ROBO2: variants seen among roughly 807,000 people sequenced by gnomAD.
ROBO2 encodes the protein roundabout homolog 2.
A neutral mutation model predicts 160.8 loss-of-function variants in ROBO2; 53 were observed. That is an observed-to-expected ratio of 0.33 (90% CI 0.26 to 0.41). The LOEUF (loss-of-function observed/expected upper bound fraction) is 0.41. Ranked by LOEUF, ROBO2 falls within the 10% of genes least tolerant of loss-of-function variation. The probability of loss-of-function intolerance (pLI) is 1.00; values close to 1 mark genes in which losing one functional copy is unlikely to be tolerated. For missense variants in ROBO2, 1,577 were observed against 1,722.4 expected (o/e 0.92, Z 1.49); for synonymous variants, 664 against 611.7 (o/e 1.09, Z -1.26).
At chr3:77,100,429 A>G (rs1244510608) in intron 2 of ROBO2, among the ~76,000 whole-genome samples, 1 of 152,102 alleles carries the variant, frequency 6.6e-6, no homozygotes, top group African/African-American at 2.4e-5. Flanking sequence ...GTGTTTCATA[A>G]AACATATTAA....
At chr3:77,210,839 T>A (rs4684021) in intron 2 of ROBO2, among the ~76,000 whole-genome samples, 30,007 of 151,074 alleles carry the variant, frequency 0.2, 3,369 homozygotes, top group Middle Eastern at 0.32. Flanking sequence ...ACACGTGGTG[T>A]TTGGTTGTCT....
At chr3:77,518,391 G>A (rs1331163993) in intron 5 of ROBO2, among the ~76,000 whole-genome samples, 1 of 151,462 alleles carries the variant, frequency 6.6e-6, no homozygotes, top group Admixed American at 6.6e-5. Flanking sequence ...CTTTCCTCAG[G>A]CAAAGATTCA....
chr3:77,233,547 T>C (rs568042182), intron 2 of ROBO2, among the ~76,000 whole-genome samples: 194 of 152,332 alleles, frequency 1.3e-3, no homozygotes, highest in Middle Eastern at 6.8e-3. Flanking sequence ...GGAATACTCA[T>C]ATTAGGATCT....
chr3:77,156,733 T>C (rs7431713), intron 2 of ROBO2, among the ~76,000 whole-genome samples: 46,221 of 149,750 alleles, frequency 0.31, 8,526 homozygotes, highest in Middle Eastern at 0.46. Flanking sequence ...AATATATTTA[T>C]TAGAATATTA....
At chr3:76,033,292 A>G (rs1454171332) in intron 2 of ROBO2, among the ~76,000 whole-genome samples, 1 of 142,476 alleles carries the variant, frequency 7.0e-6, no homozygotes, top group East Asian at 1.9e-4. Flanking sequence ...GCTGTGACAC[A>G]TACACACACA....
At chr3:76,464,268 A>G (rs180834293) in intron 2 of ROBO2, among the ~76,000 whole-genome samples, 14 of 152,320 alleles carry the variant, frequency 9.2e-5, no homozygotes, top group Admixed American at 8.5e-4. Context: ...GACGAATAGT[A>G]TGTAGAGACT....
intron 5 of ROBO2, among the ~76,000 whole-genome samples, chr3:77,497,160 C>A (rs2153603724): frequency 6.6e-6 from 1 of 152,134 alleles, no homozygotes; most frequent in South Asian, 2.1e-4. Context: ...TAATTCCTTG[C>A]AGAGACTTCT....
At chr3:77,275,336 C>A (rs1343151733) in intron 2 of ROBO2, among the ~76,000 whole-genome samples, 1 of 152,072 alleles carries the variant, frequency 6.6e-6, no homozygotes, top group African/African-American at 2.4e-5. Flanking sequence ...TATGTCAAAA[C>A]GTTTTTAGGT....
chr3:76,092,474 A>G (rs2108103272), intron 2 of ROBO2, among the ~76,000 whole-genome samples: 1 of 152,274 alleles, frequency 6.6e-6, no homozygotes, highest in South Asian at 2.1e-4. Context: ...ATTAACAGTA[A>G]TGGCTAATGG....
At chr3:77,166,006 G>A (rs905412214) in intron 2 of ROBO2, among the ~76,000 whole-genome samples, 11 of 152,126 alleles carry the variant, frequency 7.2e-5, no homozygotes, top group Non-Finnish European at 1.5e-4. Context: ...TACCATTTGA[G>A]TGTGTTATTT....
At chr3:76,229,322 A>C (rs985438393) in intron 2 of ROBO2, among the ~76,000 whole-genome samples, 1 of 152,110 alleles carries the variant, frequency 6.6e-6, no homozygotes, top group Non-Finnish European at 1.5e-5. Context: ...AGCAAATCTA[A>C]AGTCTCTATC....
At chr3:76,881,984 T>C (rs2073382745) in intron 2 of ROBO2, among the ~76,000 whole-genome samples, 1 of 151,054 alleles carries the variant, frequency 6.6e-6, no homozygotes, top group Non-Finnish European at 1.5e-5. Flanking sequence ...TGGTTTTGTG[T>C]GTGTGTGTGT....
At chr3:77,466,603 A>G (rs1019184253) in intron 2 of ROBO2, among the ~76,000 whole-genome samples, 15 of 152,198 alleles carry the variant, frequency 9.9e-5, no homozygotes, top group African/African-American at 3.6e-4. Flanking sequence ...AGATATAATT[A>G]TATTTCTACT....
chr3:77,649,481 A>G (rs1263884493), exon 26 of ROBO2: 1 of 152,206 alleles, frequency 6.6e-6, no homozygotes, highest in East Asian at 1.9e-4. Flanking sequence ...TATTAAAGAT[A>G]TGCAGAAACA....
intron 1 of ROBO2, among the ~76,000 whole-genome samples, chr3:77,088,575 T>A (rs950309199): frequency 2.0e-5 from 3 of 152,144 alleles, no homozygotes; most frequent in Non-Finnish European, 4.4e-5. Context: ...GAGACCCCAG[T>A]GTGTGGACAT....
At chr3:77,213,452 A>G (rs1235107791) in intron 2 of ROBO2, among the ~76,000 whole-genome samples, 2 of 151,750 alleles carry the variant, frequency 1.3e-5, no homozygotes, top group Non-Finnish European at 2.9e-5. Flanking sequence ...TATTGCATCT[A>G]TTTGATTCTT....
chr3:76,395,420 G>GA (rs1410729647), intron 2 of ROBO2, among the ~76,000 whole-genome samples: 1 of 146,670 alleles, frequency 6.8e-6, no homozygotes, highest in Non-Finnish European at 1.5e-5. Context: ...AAAAGAACTA[G>GA]AAAAGCAAGA....
intron 2 of ROBO2, among the ~76,000 whole-genome samples, chr3:77,326,474 TGAC>T (rs2153437021): frequency 6.6e-6 from 1 of 152,344 alleles, no homozygotes; most frequent in East Asian, 1.9e-4. Flanking sequence ...GAAAATCACC[TGAC>T]AACCCCAAAT....
chr3:76,345,421 A>G (rs75672647), intron 2 of ROBO2, among the ~76,000 whole-genome samples: 112,350 of 146,608 alleles, frequency 0.77, 44,000 homozygotes, highest in Non-Finnish European at 0.88. Context: ...AGTAGGCAGG[A>G]TATCTTTTTT....
Sources: gnomAD v4.1 joint callset for allele counts (sites outside exome capture counted in the v4.1 genomes callset) on GRCh38, gnomAD v4.1.1 for gene constraint, MANE v1.5 for transcripts, NCBI Gene and HGNC (gene_info 2026-07-23, HGNC 2026-07-21) for gene names.